ADAM12: variants seen among roughly 807,000 people sequenced by gnomAD.
ADAM12 encodes the protein disintegrin and metalloproteinase domain-containing protein 12.
In ADAM12, 70 loss-of-function variants were observed where a neutral mutation model predicts 106.4. That is an observed-to-expected ratio of 0.66 (90% CI 0.54 to 0.80). The LOEUF (loss-of-function observed/expected upper bound fraction) is 0.80. Among genes scored for constraint, ADAM12 ranks in the 30% least tolerant of loss-of-function variants. The probability of loss-of-function intolerance (pLI) is 0.00; values close to 1 mark genes in which losing one functional copy is unlikely to be tolerated. For synonymous variants in ADAM12, 420 were observed against 433.5 expected, an observed-to-expected ratio of 0.97 and a Z score of 0.39; for missense variants, 1,010 against 1,171.9, an observed-to-expected ratio of 0.86 and a Z score of 2.02.
chr10:126,132,624 C>T (rs1439735956), intron 5 of ADAM12, among the ~76,000 whole-genome samples: 5 of 151,302 alleles, frequency 3.3e-5, no homozygotes, highest in African/African-American at 1.2e-4. Flanking sequence ...TCCTAGAGGT[C>T]ACTGCATTTG....
chr10:126,149,063 TA>T (rs1956681434), intron 4 of ADAM12, among the ~76,000 whole-genome samples: 1 of 152,046 alleles, frequency 6.6e-6, no homozygotes, highest in African/African-American at 2.4e-5. Context: ...CTCTTCCCTG[TA>T]AAGAGACAGT....
chr10:126,149,561 C>T (rs547671017), intron 4 of ADAM12, among the ~76,000 whole-genome samples: 5 of 152,298 alleles, frequency 3.3e-5, no homozygotes, highest in African/African-American at 1.2e-4. Context: ...GGGAGAGGCC[C>T]ACCCGTCCTC....
chr10:126,324,032 T>G (rs964928445), intron 2 of ADAM12, among the ~76,000 whole-genome samples: 1 of 152,202 alleles, frequency 6.6e-6, no homozygotes, highest in Non-Finnish European at 1.5e-5. Context: ...GATGCCCACA[T>G]GCTCCTTGGG....
At chr10:126,176,987 T>C (rs1322783746) in intron 3 of ADAM12, among the ~76,000 whole-genome samples, 1 of 152,108 alleles carries the variant, frequency 6.6e-6, no homozygotes, top group Non-Finnish European at 1.5e-5. Flanking sequence ...GAATCTGTCA[T>C]TGGGTCACCT....
At chr10:126,299,259 C>T (rs576226363) in intron 2 of ADAM12, among the ~76,000 whole-genome samples, 28 of 152,326 alleles carry the variant, frequency 1.8e-4, no homozygotes, top group African/African-American at 6.7e-4. Flanking sequence ...TTCCATGACC[C>T]CAGGCCTCGG....
intron 4 of ADAM12, among the ~76,000 whole-genome samples, chr10:126,140,638 T>G (rs769529511): frequency 9.9e-5 from 15 of 152,268 alleles, no homozygotes; most frequent in Non-Finnish European, 7.3e-5. Flanking sequence ...ATTAACTTCT[T>G]AGATTACTGA....
At chr10:126,073,394 T>C (rs915684431) in intron 11 of ADAM12, among the ~76,000 whole-genome samples, 3 of 142,558 alleles carry the variant, frequency 2.1e-5, no homozygotes, top group Admixed American at 6.8e-5. Flanking sequence ...GGCCCTTAAC[T>C]TTTTTTTTTT....
At chr10:126,355,239 T>A (rs553975400) in intron 1 of ADAM12, among the ~76,000 whole-genome samples, 1 of 152,038 alleles carries the variant, frequency 6.6e-6, no homozygotes, top group African/African-American at 2.4e-5. Context: ...ATGACTAAAT[T>A]AAAAGCTATG....
intron 1 of ADAM12, among the ~76,000 whole-genome samples, chr10:126,380,036 C>T (rs1420878879): frequency 6.6e-6 from 1 of 152,158 alleles, no homozygotes; most frequent in African/African-American, 2.4e-5. Flanking sequence ...TGAAGCTGTC[C>T]AATTTTTTAA....
At chr10:126,032,871 G>A (rs1360796437) in intron 21 of ADAM12, among the ~76,000 whole-genome samples, 3 of 152,032 alleles carry the variant, frequency 2.0e-5, no homozygotes, top group Admixed American at 6.6e-5. Flanking sequence ...AATTATATAT[G>A]GACTTTCACT....
At chr10:126,358,106 G>T (rs928452950) in intron 1 of ADAM12, among the ~76,000 whole-genome samples, 1 of 151,788 alleles carries the variant, frequency 6.6e-6, no homozygotes, top group Middle Eastern at 3.2e-3. Context: ...TGAACCCCGG[G>T]GGGTGGAACC....
At chr10:126,137,269 C>T (rs965482910) in intron 4 of ADAM12, among the ~76,000 whole-genome samples, 1 of 152,150 alleles carries the variant, frequency 6.6e-6, no homozygotes, top group Non-Finnish European at 1.5e-5. Context: ...TGTGCTAGCC[C>T]ACTGAGACAG....
chr10:126,149,158 A>C (rs938688099), intron 4 of ADAM12, among the ~76,000 whole-genome samples: 3 of 152,210 alleles, frequency 2.0e-5, no homozygotes, highest in East Asian at 1.9e-4. Flanking sequence ...AAAGGAGGAG[A>C]GGAAAAATGT....
Position 126,036,302 on chromosome 10 carries a change from C to G in ADAM12, c.2373G>C (p.Gln791His). ...PPKDNPRRLL[Q>H]CQNVDISRPL... ...GTCTGCTGATGTCAACATTCTGACA[C>G]TGCAGCAATCTCCTGGGATTGTCCT... is the stretch of plus-strand genomic sequence containing the variant. Residue 791 changes from glutamine (Q) to histidine (H), a missense_variant, in exon 21 of 23, where the codon CAG (glutamine) becomes CAC (histidine). By Grantham distance (24) the Gln-to-His change is conservative. Coordinates refer to ENST00000448723, the MANE Select transcript of ADAM12 (RefSeq NM_001288973.2). The G allele has an allele frequency of 6.4e-7, 1 of 1,564,464 alleles. No individual in the cohort carries two copies. The highest frequency in any genetic ancestry group is 1.2e-5 in the South Asian group (1 of 82,334).
At chr10:126,255,920 G>A (rs962376494) in intron 3 of ADAM12, among the ~76,000 whole-genome samples, 4 of 152,096 alleles carry the variant, frequency 2.6e-5, no homozygotes, top group African/African-American at 7.2e-5. Context: ...AAGGGCCTTC[G>A]GCATCAGGAA....
At chr10:126,238,651 T>C (rs1273645563) in intron 3 of ADAM12, among the ~76,000 whole-genome samples, 1 of 152,194 alleles carries the variant, frequency 6.6e-6, no homozygotes, top group East Asian at 1.9e-4. Context: ...AAAAAACATA[T>C]AGACCATTCT....
intron 2 of ADAM12, among the ~76,000 whole-genome samples, chr10:126,296,928 G>A (rs1960409065): frequency 6.6e-6 from 1 of 152,142 alleles, no homozygotes; most frequent in Non-Finnish European, 1.5e-5. Flanking sequence ...TTTTAAAGCT[G>A]GGATTCCTTC....
intron 4 of ADAM12, among the ~76,000 whole-genome samples, chr10:126,147,690 C>CA (rs549895966): frequency 1.2e-3 from 188 of 152,364 alleles, no homozygotes; most frequent in African/African-American, 4.3e-3. Context: ...CATGATCCCT[C>CA]AGACCAGATT....
Position 126,041,532 on chromosome 10 carries a change from A to T in ADAM12, c.2104+1508T>A, listed in dbSNP as rs148417042. ...ACGCATGTCCACAGCAAAGAGCCAG[A>T]GTTCACCGCCCTTTCTCCTACCTTC... On this transcript the variant is annotated intron_variant, in intron 18 of 22. Coordinates refer to ENST00000448723, the MANE Select transcript of ADAM12 (RefSeq NM_001288973.2). The T allele has an allele frequency of 9.4e-4, 929 of 985,804 alleles. 4 individuals are homozygous for T. In the African/African-American group the frequency reaches 0.015, roughly 16 times the overall value. The allele number at this position is 985,804 out of a possible 1,614,324, so 61.1% of individuals were successfully genotyped here. A position where few individuals can be genotyped will look rare whatever the true frequency, so the allele number is the denominator to read the frequency against.
Sources: allele counts gnomAD v4.1 joint callset (sites outside exome capture counted in the v4.1 genomes callset), GRCh38; gene constraint gnomAD v4.1.1; transcripts MANE v1.5; gene names NCBI Gene and HGNC (gene_info 2026-07-23, HGNC 2026-07-21).